Variants in NRDC observed in about 807,000 individuals in gnomAD.
NRDC encodes nardilysin.
NRDC carries 54 observed loss-of-function variants against 147.1 expected under a neutral mutation model. The ratio of observed to expected loss-of-function variants is 0.37; its 90% CI spans 0.29 to 0.46. The LOEUF is 0.46. Ranked by LOEUF, NRDC falls within the 20% of genes least tolerant of loss-of-function variation. The probability of loss-of-function intolerance (pLI) is 1.00; values close to 1 mark genes in which losing one functional copy is unlikely to be tolerated. For missense variants in NRDC, 1,082 were observed against 1,370.6 expected (o/e 0.79, Z 3.33); for synonymous variants, 440 against 482.1 (o/e 0.91, Z 1.14).
At chr1:51,822,557 TC>T (rs1680257533) in intron 7 of NRDC, among the ~76,000 whole-genome samples, 1 of 152,134 alleles carries the variant, frequency 6.6e-6, no homozygotes, top group African/African-American at 2.4e-5. Context: ...AAACAAAAAC[TC>T]TAGGACTTGT....
chr1:51,874,580 G>A lies in NRDC; in HGVS notation c.341+3695C>T, dbSNP rs1298209004. ...GCCGTGATGGCGCCACTGCACTCCA[G>A]CCTGGGTTACAAAGTGAGACCCTGC... On this transcript the variant is annotated intron_variant, in intron 1 of 30. Transcript: ENST00000352171. Among the ~76,000 whole-genome samples, 3 of 152,130 alleles carry A rather than the reference G, an allele frequency of 2.0e-5. No homozygotes were observed. In the East Asian group the frequency reaches 5.8e-4, roughly 29 times the overall value.
At chr1:51,816,275 T>C (rs752767662) in intron 11 of NRDC, 37 bp downstream of exon 11, 5 of 1,345,020 alleles carry the variant, frequency 3.7e-6, no homozygotes. Context: ...TTTTCAGAGA[T>C]TGCTATACTG....
At chr1:51,830,067 C>T (rs952339702) in intron 4 of NRDC, among the ~76,000 whole-genome samples, 9 of 150,084 alleles carry the variant, frequency 6.0e-5, no homozygotes, top group Non-Finnish European at 1.0e-4. Context: ...CACGTTCAAG[C>T]GATTCTCCTG....
At chr1:51,801,751 T>C (rs1280713839) in intron 20 of NRDC, among the ~76,000 whole-genome samples, 2 of 152,164 alleles carry the variant, frequency 1.3e-5, no homozygotes, top group African/African-American at 2.4e-5. Context: ...ATTTTATCAG[T>C]TAATGTAATG....
chr1:51,797,632 C>T (rs761577669), intron 22 of NRDC, among the ~76,000 whole-genome samples: 6 of 152,156 alleles, frequency 3.9e-5, no homozygotes, highest in Non-Finnish European at 8.8e-5. Flanking sequence ...TCCTTCCTCC[C>T]ATTTTAGCCT....
chr1:51,813,041 A>G (rs1439287004), intron 14 of NRDC, among the ~76,000 whole-genome samples: 2 of 150,428 alleles, frequency 1.3e-5, no homozygotes, highest in Non-Finnish European at 3.0e-5. Context: ...CCACTTTGGG[A>G]GGCCAATGAG....
chr1:51,792,875 A>G (rs1678719018), intron 24 of NRDC, among the ~76,000 whole-genome samples: 1 of 152,260 alleles, frequency 6.6e-6, no homozygotes, highest in African/African-American at 2.4e-5. Context: ...ACCAGTTGAT[A>G]AGAAAAATAC....
chr1:51,848,784 C>A (rs1681786812), intron 1 of NRDC, among the ~76,000 whole-genome samples: 1 of 152,092 alleles, frequency 6.6e-6, no homozygotes, highest in South Asian at 2.1e-4. Context: ...CATGTCTTAA[C>A]CCAGTTAATC....
chr1:51,829,961 A>ATT (rs1680629751), intron 4 of NRDC, among the ~76,000 whole-genome samples: 1 of 132,864 alleles, frequency 7.5e-6, no homozygotes, highest in African/African-American at 3.0e-5. Context: ...TTTGTCTTTT[A>ATT]TTTCTTTTTT....
chr1:51,798,049 C>T (rs1484505743), intron 22 of NRDC, 200 bp downstream of exon 22: 20 of 522,394 alleles, frequency 3.8e-5, no homozygotes, highest in East Asian at 1.2e-4. Flanking sequence ...AAATTACAGG[C>T]GTGAGCCATC....
At chr1:51,858,555 A>G (rs951123962) in intron 1 of NRDC, among the ~76,000 whole-genome samples, 1 of 152,168 alleles carries the variant, frequency 6.6e-6, no homozygotes, top group African/African-American at 2.4e-5. Flanking sequence ...TTTGGCATAA[A>G]CACTATCCTG....
At chr1:51,873,115 A>T (rs1683160047) in intron 1 of NRDC, among the ~76,000 whole-genome samples, 1 of 150,002 alleles carries the variant, frequency 6.7e-6, no homozygotes, top group African/African-American at 2.5e-5. Context: ...TTACGGTTCC[A>T]GGAGTTTTCA....
chr1:51,825,327 G>C lies in NRDC; in HGVS notation c.996C>G (p.Ser332Arg). The C allele has an allele frequency of 6.3e-7, 1 of 1,598,650 alleles. No homozygotes were observed. The highest frequency in any genetic ancestry group is 8.5e-7 in the Non-Finnish European group (1 of 1,176,136). ...CCATAGGATGTCCAGGTCTAGCAAG[G>C]CTTCCAAACAACATTTCCTTTCTGT... ...DANRKEMLFGSLARPGHPMGK... is the reference protein window; with the variant it reads ...DANRKEMLFGRLARPGHPMGK... The change falls in exon 6 of 31, where the codon AGC becomes AGG. Residue 332 changes from serine to arginine, a missense_variant. Physicochemically the swap from Ser to Arg is moderately radical, Grantham distance 110 (BLOSUM62 -1). Transcript: ENST00000352171.
At chr1:51,819,402 A>G (rs1370867834) in intron 9 of NRDC, among the ~76,000 whole-genome samples, 1 of 152,224 alleles carries the variant, frequency 6.6e-6, no homozygotes, top group Non-Finnish European at 1.5e-5. Context: ...TATTTAGCAA[A>G]TATTACTTTC....
At chr1:51,871,182 C>T (rs1278919496) in intron 1 of NRDC, among the ~76,000 whole-genome samples, 1 of 151,974 alleles carries the variant, frequency 6.6e-6, no homozygotes, top group African/African-American at 2.4e-5. Context: ...CTGGGCATGG[C>T]GGCACATGCC....
rs1389497807 is a variant in NRDC at position 51,800,501 on chromosome 1, G to A, written c.2441+55C>T. On this transcript the variant is annotated intron_variant, in intron 21 of 30. Coordinates refer to ENST00000352171, the MANE Select transcript of NRDC (RefSeq NM_001101662.2). ...CCTTAACCCCCACACCCACCCACTA[G>A]GGAGAGTAATACTTTCAGGTCCTCA... is the stretch of plus-strand genomic sequence containing the variant. 5.0e-6 allele frequency: 8 copies of A among 1,596,378 alleles called. No individual in the cohort carries two copies. In the African/African-American group the frequency reaches 9.4e-5, roughly 19 times the overall value.
intron 1 of NRDC, among the ~76,000 whole-genome samples, chr1:51,849,266 T>C (rs1681814862): frequency 6.6e-6 from 1 of 151,130 alleles, no homozygotes; most frequent in South Asian, 2.1e-4. Context: ...GGCATGGTGG[T>C]GAGCGCCTGT....
intron 20 of NRDC, among the ~76,000 whole-genome samples, chr1:51,801,514 A>G (rs1334168724): frequency 1.3e-5 from 2 of 152,264 alleles, no homozygotes; most frequent in Admixed American, 1.3e-4. Flanking sequence ...TGATTCTGAT[A>G]TACTAGTCTT....
At chr1:51,800,800 G>A in intron 20 of NRDC, 117 bp from the exon 21 acceptor site, 1 of 971,992 alleles carries the variant, frequency 1.0e-6, no homozygotes, top group Non-Finnish European at 1.5e-6. Flanking sequence ...GCATTGTGGG[G>A]GGACATAAGA....
Sources: allele counts gnomAD v4.1 joint callset (sites outside exome capture counted in the v4.1 genomes callset), GRCh38; gene constraint gnomAD v4.1.1; transcripts MANE v1.5; gene names NCBI Gene and HGNC (gene_info 2026-07-23, HGNC 2026-07-21).